Variants in WDHD1 observed in about 807,000 individuals in gnomAD.
The protein encoded by WDHD1 is WD repeat and HMG-box DNA-binding protein 1.
A neutral mutation model predicts 135.4 loss-of-function variants in WDHD1; 111 were observed. That is an observed-to-expected ratio of 0.82 (90% confidence interval 0.70 to 0.96). The LOEUF is 0.96. WDHD1 is among the 40% of genes least tolerant of loss of function. WDHD1 has a pLI of 0.00. For synonymous variants in WDHD1, 434 were observed against 439.0 expected, an observed-to-expected ratio of 0.99 and a Z score of 0.14; for missense variants, 1,351 against 1,336.3, an observed-to-expected ratio of 1.01 and a Z score of -0.17.
At chr14:54,962,701 AG>A (rs764811446) in intron 20 of WDHD1, 36 bp downstream of exon 20, 4 of 1,605,144 alleles carry the variant, frequency 2.5e-6, no homozygotes, top group East Asian at 2.2e-5. Flanking sequence ...CATCCATGAT[AG>A]TTCTCATGAT....
intron 10 of WDHD1, 114 bp downstream of exon 10, chr14:55,000,389 T>C: frequency 8.9e-7 from 1 of 1,119,290 alleles, no homozygotes; most frequent in Non-Finnish European, 1.2e-6. Context: ...CAGCATCTAC[T>C]ATAGTAACAT....
chr14:54,970,794 A>G, intron 16 of WDHD1, among the ~76,000 whole-genome samples: 1 of 152,162 alleles, frequency 6.6e-6, no homozygotes, highest in East Asian at 1.9e-4. Flanking sequence ...CAAAGGATCT[A>G]AAACAAAAAC....
intron 24 of WDHD1, among the ~76,000 whole-genome samples, chr14:54,945,916 T>A (rs1225195340): frequency 6.6e-6 from 1 of 152,166 alleles, no homozygotes; most frequent in Non-Finnish European, 1.5e-5. Context: ...ATAAAAAGTC[T>A]AAACTTTTTA....
chr14:55,006,972 A>T (rs1387311206), intron 7 of WDHD1, among the ~76,000 whole-genome samples: 3 of 152,150 alleles, frequency 2.0e-5, no homozygotes, highest in African/African-American at 7.2e-5. Context: ...CACGCCTGTA[A>T]TACTAGCATT....
rs71410642 is a variant in WDHD1 at position 54,972,553 on chromosome 14, C to CAAAAAAAAAAAAAAAA, written c.2064-5175_2064-5160dup. On this transcript the variant is annotated intron_variant, in intron 16 of 25. Transcript: ENST00000360586. ...CCTGGGCAATAAAGCAAGACTGTCACAAAAAAAAAAAAAAAAAAAAAAAAA... is the reference window on the plus strand; with the variant it reads ...CCTGGGCAATAAAGCAAGACTGTCACAAAAAAAAAAAAAAAAAAAAAAAAAAAAAAAAAAAAAAAAA... 1.2e-3 allele frequency among the ~76,000 whole-genome samples: 30 copies of CAAAAAAAAAAAAAAAA among 25,500 alleles called. 4 individuals carry two copies. Among genetic ancestry groups the CAAAAAAAAAAAAAAAA allele is most frequent in the Non-Finnish European group, 1.7e-3 (26 of 15,222 alleles). 16.7% of individuals were successfully genotyped at this position (25,500 alleles called of 152,430 possible).
At chr14:54,961,647 T>A (rs1436176496) in intron 21 of WDHD1, among the ~76,000 whole-genome samples, 2 of 152,188 alleles carry the variant, frequency 1.3e-5, no homozygotes, top group Non-Finnish European at 2.9e-5. Flanking sequence ...CAGCTATGTG[T>A]CATACGCTCT....
At chr14:54,957,567 T>G (rs567761842) in intron 22 of WDHD1, 25 bp downstream of exon 22, 1 of 1,572,278 alleles carries the variant, frequency 6.4e-7, no homozygotes, top group Admixed American at 1.9e-5. Context: ...TTAAATAATA[T>G]AAAACATCAC....
chr14:54,973,775 A>G (rs2041477854), intron 16 of WDHD1, among the ~76,000 whole-genome samples: 1 of 152,200 alleles, frequency 6.6e-6, no homozygotes, highest in Non-Finnish European at 1.5e-5. Context: ...TGTCCTGTTT[A>G]AAAACATTTT....
chr14:55,020,410 ATT>A lies in WDHD1; in HGVS notation c.77+6299_77+6300del, dbSNP rs2042326223. On this transcript the variant is annotated intron_variant, in intron 2 of 25. Transcript: ENST00000360586. Reference sequence around the variant, plus strand: ...TTATTTCCTGTTCCTCAAACACTTCATTTGGCTTCTAAACATCCTTCTTGTCT... The same window carrying A: ...TTATTTCCTGTTCCTCAAACACTTCATGGCTTCTAAACATCCTTCTTGTCT... Among the ~76,000 whole-genome samples the A allele has an allele frequency of 2.0e-5, 3 of 152,110 alleles. No homozygotes were observed. The South Asian group carries it at 6.2e-4, about 32-fold the overall frequency.
chr14:54,966,358 A>C lies in WDHD1; in HGVS notation c.2310+117T>G, dbSNP rs75789517. The C allele has an allele frequency of 9.5e-4, 1,089 of 1,145,162 alleles. 1 individual carries two copies. Among genetic ancestry groups the C allele is most frequent in the Non-Finnish European group, 1.1e-3 (967 of 870,064 alleles). The allele number at this position is 1,145,162 out of a possible 1,614,324, so 70.9% of individuals were successfully genotyped here. On this transcript the variant is annotated intron_variant, in intron 18 of 25. Transcript: ENST00000360586. Reference sequence around the variant, plus strand: ...GCACAAAAAACAACAACAACAACAAAAAAAAACTTAAGAATCTTAGGTTGT... The same window carrying C: ...GCACAAAAAACAACAACAACAACAACAAAAAACTTAAGAATCTTAGGTTGT...
chr14:54,971,575 T>C (rs1209849844), intron 16 of WDHD1, among the ~76,000 whole-genome samples: 1 of 151,578 alleles, frequency 6.6e-6, no homozygotes, highest in Non-Finnish European at 1.5e-5. Context: ...AAAGAAACCA[T>C]AGATGACACA....
chr14:54,980,229 T>C (rs555443333), intron 16 of WDHD1, among the ~76,000 whole-genome samples: 1 of 151,644 alleles, frequency 6.6e-6, no homozygotes, highest in African/African-American at 2.4e-5. Context: ...GGTGGGAGGA[T>C]CGCTTGAGCC....
At chr14:54,982,359 G>T (rs1350612971) in intron 15 of WDHD1, among the ~76,000 whole-genome samples, 2 of 152,092 alleles carry the variant, frequency 1.3e-5, no homozygotes, top group African/African-American at 2.4e-5. Context: ...TGAATCAGAA[G>T]GCTCCCGCTT....
At chr14:54,967,218 G>T in intron 17 of WDHD1, 62 bp downstream of exon 17, 1 of 1,254,168 alleles carries the variant, frequency 8.0e-7, no homozygotes, top group Non-Finnish European at 1.2e-6. Context: ...TAATTTTAAA[G>T]TGTGTGTATC....
chr14:54,991,203 CA>C lies in WDHD1; in HGVS notation c.1341+9del. ...CCTACTAAGAAGTTAAGTGTAGATC[CA>C]AGTCTTACCATGAATCTGTGAGTGA... is the stretch of plus-strand genomic sequence containing the variant. On this transcript the variant is annotated intron_variant, in intron 12 of 25. Transcript: ENST00000360586. 2 of 1,266,072 alleles carry C rather than the reference CA, an allele frequency of 1.6e-6. No individual in the cohort carries two copies. The highest frequency in any genetic ancestry group is 2.1e-6 in the Non-Finnish European group (2 of 956,658). 78.4% of individuals were successfully genotyped at this position (1,266,072 alleles called of 1,614,324 possible). A position where few individuals can be genotyped will look rare whatever the true frequency, so the allele number is the denominator to read the frequency against.
Position 54,941,626 on chromosome 14 carries a change from C to G in WDHD1, c.3254G>C (p.Arg1085Pro), listed in dbSNP as rs757683351. 1.1e-5 allele frequency: 17 copies of G among 1,613,888 alleles called. No individual in the cohort carries two copies. The highest frequency in any genetic ancestry group is 1.3e-5 in the African/African-American group (1 of 74,932). Residue 1085 changes from arginine to proline, a missense_variant, in exon 26 of 26, where the codon CGT becomes CCT. Transcript: ENST00000360586. ...SEGTEAKKRK[R>P]VVDESDETEN... is the part of the protein sequence containing the mutation. ...TGTTTCATCACTTTCATCAACCACA[C>G]GTTTTCGCTTCTTTGCTTCAGTTCC...
At chr14:54,957,397 T>C (rs2041178355) in intron 22 of WDHD1, among the ~76,000 whole-genome samples, 193 bp from the exon 23 acceptor site, 3 of 152,288 alleles carry the variant, frequency 2.0e-5, no homozygotes, top group African/African-American at 7.2e-5. Flanking sequence ...AAGACAGAGG[T>C]ATCTTTCAAA....
chr14:54,991,454 A>G lies in WDHD1; in HGVS notation c.1154-54T>C. 5.2e-6 allele frequency: 8 copies of G among 1,535,520 alleles called. No homozygotes were observed. The East Asian group carries it at 1.8e-4, about 35-fold the overall frequency. On this transcript the variant is annotated intron_variant, in intron 11 of 25. Coordinates refer to ENST00000360586, the MANE Select transcript of WDHD1 (RefSeq NM_007086.4). Reference sequence around the variant, plus strand: ...AATCACGAATACCAATGATTTGGAAAAAGGAAAGCATTATGGAATCTAGTA... The same window carrying G: ...AATCACGAATACCAATGATTTGGAAGAAGGAAAGCATTATGGAATCTAGTA...
At chr14:54,991,893 T>C (rs1254798162) in intron 11 of WDHD1, among the ~76,000 whole-genome samples, 1 of 152,210 alleles carries the variant, frequency 6.6e-6, no homozygotes, top group East Asian at 1.9e-4. Context: ...CATTTTCTTG[T>C]AAATGAATGA....
Sources: allele counts gnomAD v4.1 joint callset (sites outside exome capture counted in the v4.1 genomes callset), GRCh38; gene constraint gnomAD v4.1.1; transcripts MANE v1.5; gene names NCBI Gene and HGNC (gene_info 2026-07-23, HGNC 2026-07-21).